The following CREB3L1 variants were observed in gnomAD, a reference collection of about 807,000 sequenced individuals.
CREB3L1 encodes the protein cyclic AMP-responsive element-binding protein 3-like protein 1.
CREB3L1 carries 33 observed loss-of-function variants against 54.5 expected under a neutral mutation model. The ratio of observed to expected loss-of-function variants is 0.61; its 90% CI spans 0.46 to 0.81. The LOEUF is 0.81. Ranked by LOEUF, CREB3L1 falls within the 30% of genes least tolerant of loss-of-function variation. CREB3L1 has a pLI of 0.00. For synonymous variants in CREB3L1, 284 were observed against 286.4 expected (o/e 0.99, Z 0.08); for missense variants, 656 against 673.3 (o/e 0.97, Z 0.29).
chr11:46,284,007 C>T (rs969181188), intron 1 of CREB3L1, among the ~76,000 whole-genome samples: 3 of 152,146 alleles, frequency 2.0e-5, no homozygotes, highest in African/African-American at 4.8e-5. Flanking sequence ...GCTGTCTGTG[C>T]CCCGATATGT....
At chr11:46,296,920 G>C (rs1247518091) in intron 1 of CREB3L1, among the ~76,000 whole-genome samples, 1 of 152,172 alleles carries the variant, frequency 6.6e-6, no homozygotes, top group African/African-American at 2.4e-5. Flanking sequence ...AGGGTCTCTG[G>C]GAAGAACCTG....
intron 1 of CREB3L1, among the ~76,000 whole-genome samples, chr11:46,288,368 C>T (rs2136337489): frequency 6.6e-6 from 1 of 152,328 alleles, no homozygotes; most frequent in Admixed American, 6.5e-5. Context: ...AGGCGTGAGC[C>T]ACCGCACACG....
At chr11:46,309,886 A>C (rs559513245) in intron 3 of CREB3L1, 103 bp from the exon 4 acceptor site, 2 of 886,186 alleles carry the variant, frequency 2.3e-6, no homozygotes, top group Non-Finnish European at 3.6e-6. Flanking sequence ...CACTTCCCCA[A>C]CTGTGCAGGG....
chr11:46,286,496 C>G (rs917931486), intron 1 of CREB3L1, among the ~76,000 whole-genome samples: 1 of 152,098 alleles, frequency 6.6e-6, no homozygotes, highest in African/African-American at 2.4e-5. Context: ...GAAACTTACC[C>G]AGCTTAAGAA....
intron 2 of CREB3L1, 32 bp downstream of exon 2, chr11:46,300,195 G>A: frequency 6.8e-7 from 1 of 1,464,374 alleles, no homozygotes; most frequent in East Asian, 2.4e-5. Context: ...GGACAGCACA[G>A]GCCCAGGAGG....
chr11:46,309,942 G>C, intron 3 of CREB3L1, 47 bp from the exon 4 acceptor site: 1 of 1,486,050 alleles, frequency 6.7e-7, no homozygotes, highest in African/African-American at 1.4e-5. Flanking sequence ...GCATGGTGGG[G>C]ACAGACCCAG....
intron 9 of CREB3L1, among the ~76,000 whole-genome samples, chr11:46,316,909 G>T (rs536848492): frequency 6.6e-6 from 1 of 152,260 alleles, no homozygotes; most frequent in African/African-American, 2.4e-5. Flanking sequence ...GAGCTGTCAG[G>T]CAGCAGAACC....
intron 2 of CREB3L1, among the ~76,000 whole-genome samples, chr11:46,303,571 G>A (rs796856666): frequency 4.0e-4 from 61 of 152,298 alleles, no homozygotes; most frequent in African/African-American, 1.4e-3. Flanking sequence ...TTGAACCCAG[G>A]AAGCGGAGGT....
At chr11:46,311,577 G>A (rs937246129) in intron 5 of CREB3L1, among the ~76,000 whole-genome samples, 1 of 151,348 alleles carries the variant, frequency 6.6e-6, no homozygotes, top group African/African-American at 2.4e-5. Context: ...TCGGCTCACT[G>A]CAACCTCCAC....
chr11:46,302,198 TAATAATAATAA>T (rs1250219232), intron 2 of CREB3L1, among the ~76,000 whole-genome samples: 2 of 147,832 alleles, frequency 1.4e-5, no homozygotes, highest in Non-Finnish European at 3.0e-5. Context: ...ATAATAATAA[TAATAATAATAA>T]TAATAATAAG....
At chr11:46,306,376 C>T (rs1322029782) in intron 2 of CREB3L1, among the ~76,000 whole-genome samples, 1 of 152,006 alleles carries the variant, frequency 6.6e-6, no homozygotes, top group African/African-American at 2.4e-5. Flanking sequence ...TGGTGGCATG[C>T]GCCTGTAGTC....
chr11:46,278,116 A>G lies in CREB3L1; in HGVS notation c.5A>G (p.Asp2Gly). 2.6e-6 allele frequency: 4 copies of G among 1,551,852 alleles called. No homozygotes were observed. Among genetic ancestry groups the G allele is most frequent in the East Asian group, 2.5e-5 (1 of 40,744 alleles). The change falls in exon 1 of 12, where the codon GAC becomes GGC. Residue 2 changes from aspartate to glycine, a missense_variant. Around this residue, in one of 3 missense-constraint regions of CREB3L1, gnomAD observed 339 missense variants for 331.5 expected, o/e 1.02. Transcript: ENST00000621158. The surrounding 1 kb of genome is among the most constrained non-coding windows in gnomAD (Gnocchi z 4.2). ...GGGTCCCGGGAGCCGGCTGCGATGG[A>G]CGCCGTCTTGGAACCCTTCCCGGCC... is the stretch of plus-strand genomic sequence containing the variant. M[D>G]AVLEPFPADR...
chr11:46,300,883 T>C (rs1246608730), intron 2 of CREB3L1, among the ~76,000 whole-genome samples: 2 of 151,852 alleles, frequency 1.3e-5, no homozygotes, highest in African/African-American at 2.4e-5. Flanking sequence ...CGGGCGCCTG[T>C]AGTCCCAGCT....
chr11:46,316,740 C>T (rs1278100800), intron 9 of CREB3L1, among the ~76,000 whole-genome samples: 1 of 152,160 alleles, frequency 6.6e-6, no homozygotes, highest in African/African-American at 2.4e-5. Flanking sequence ...ATGGTTCTTT[C>T]TGGAACAGAT....
intron 2 of CREB3L1, among the ~76,000 whole-genome samples, chr11:46,306,339 C>CA: frequency 1.3e-5 from 2 of 151,968 alleles, no homozygotes; most frequent in East Asian, 1.9e-4. Context: ...AACATCTCTA[C>CA]AAAAAAATAC....
At chr11:46,313,048 A>G (rs945526438) in intron 8 of CREB3L1, 129 bp downstream of exon 8, 1 of 686,400 alleles carries the variant, frequency 1.5e-6, no homozygotes, top group Admixed American at 3.1e-5. Flanking sequence ...CCCCAGAAAC[A>G]CACCCTGCAG....
At chr11:46,288,206 C>T (rs1039154043) in intron 1 of CREB3L1, among the ~76,000 whole-genome samples, 5 of 152,058 alleles carry the variant, frequency 3.3e-5, no homozygotes, top group Admixed American at 2.0e-4. Flanking sequence ...CTCAGTCTCC[C>T]GAGTAGCTGG....
chr11:46,300,120 C>T lies in CREB3L1; in HGVS notation c.288C>T (p.Pro96=), dbSNP rs1376397027. ...HSYSLSGDSA[P]QSPLVPIKME... ...ACTCCCTGAGCGGCGACTCAGCGCCCCAGAGCCCCCTTGTGCCCATCAAGA... is the reference window on the plus strand; with the variant it reads ...ACTCCCTGAGCGGCGACTCAGCGCCTCAGAGCCCCCTTGTGCCCATCAAGA... Residue 96 remains proline, a synonymous_variant, in exon 2 of 12, where the codon CCC becomes CCT. Coordinates refer to ENST00000621158, the MANE Select transcript of CREB3L1 (RefSeq NM_052854.4). 3.1e-6 allele frequency: 5 copies of T among 1,613,536 alleles called. No individual in the cohort carries two copies. The highest frequency in any genetic ancestry group is 2.7e-5 in the African/African-American group (2 of 74,902).
Position 46,320,913 on chromosome 11 carries a change from C to G in CREB3L1, c.*167C>G, listed in dbSNP as rs777906092. ...TTGCCCCTGACATTTGGACTCTTCC[C>G]TTGGGCCGACCACTCTGTTCTCATT... On this transcript the variant is annotated 3_prime_UTR_variant, in exon 12 of 12. Coordinates refer to ENST00000621158, the MANE Select transcript of CREB3L1 (RefSeq NM_052854.4). 1.3e-6 allele frequency: 1 copy of G among 756,850 alleles called. No individual in the cohort carries two copies. Among genetic ancestry groups the G allele is most frequent in the Non-Finnish European group, 2.3e-6 (1 of 430,124 alleles). The allele number at this position is 756,850 out of a possible 1,614,324, so 46.9% of individuals were successfully genotyped here.
Sources: gnomAD v4.1 joint callset for allele counts (sites outside exome capture counted in the v4.1 genomes callset) on GRCh38, gnomAD v4.1.1 for gene constraint, gnomAD v4.1.1 regional missense constraint, Gnocchi (gnomAD v3.1) non-coding constraint, MANE v1.5 for transcripts, NCBI Gene and HGNC (gene_info 2026-07-23, HGNC 2026-07-21) for gene names.